The following TCF25 variants were observed in gnomAD, a reference collection of about 807,000 sequenced individuals.
The protein encoded by TCF25 is ribosome quality control complex subunit TCF25.
A neutral mutation model predicts 83.1 loss-of-function variants in TCF25; 41 were observed. That is an observed-to-expected ratio of 0.49 (90% CI 0.38 to 0.64). The LOEUF (loss-of-function observed/expected upper bound fraction) is 0.64. Among genes scored for constraint, TCF25 ranks in the 30% least tolerant of loss-of-function variants. TCF25 has a pLI of 0.00. For synonymous variants in TCF25, 458 were observed against 365.0 expected, an observed-to-expected ratio of 1.25 and a Z score of -2.90; for missense variants, 979 against 914.5, an observed-to-expected ratio of 1.07 and a Z score of -0.91.
At chr16:89,883,588 G>T (rs2042764774) in intron 2 of TCF25, 76 bp downstream of exon 2, 5 of 1,456,750 alleles carry the variant, frequency 3.4e-6, no homozygotes, top group Non-Finnish European at 4.6e-6. Context: ...ATCCTGTGCT[G>T]TGATTTTCCT....
chr16:89,875,152 A>C (rs994540754), intron 1 of TCF25, among the ~76,000 whole-genome samples: 2 of 152,228 alleles, frequency 1.3e-5, no homozygotes, highest in African/African-American at 4.8e-5. Context: ...GGCATGAGCC[A>C]CTGTGCTTGG....
intron 6 of TCF25, among the ~76,000 whole-genome samples, chr16:89,893,444 C>T (rs1046197629): frequency 6.6e-6 from 1 of 152,234 alleles, no homozygotes; most frequent in East Asian, 1.9e-4. Context: ...TTGTCCCTGA[C>T]ATTCCCTCCA....
In TCF25 at chr16:89,887,985, T is replaced by G. The variant is rs113843003; in HGVS notation, c.614+268T>G. Among the ~76,000 whole-genome samples the G allele has an allele frequency of 3.9e-5, 6 of 152,294 alleles. 1 individual carries two copies. Among genetic ancestry groups the G allele is most frequent in the African/African-American group, 1.4e-4 (6 of 41,572 alleles). On this transcript the variant is annotated intron_variant, in intron 5 of 17. Coordinates refer to ENST00000263346, the MANE Select transcript of TCF25 (RefSeq NM_014972.3). Reference sequence around the variant, plus strand: ...GTCCAGCATGAGGTTTCAAAAGCCATGCCGAGTGCAGTGCTCACGCCTGTA... The same window carrying G: ...GTCCAGCATGAGGTTTCAAAAGCCAGGCCGAGTGCAGTGCTCACGCCTGTA...
rs770702161 is a variant in TCF25 at position 89,898,749 on chromosome 16, C to G, written c.1116-18C>G. The G allele has an allele frequency of 1.9e-6, 3 of 1,613,686 alleles. No homozygotes were observed. Among genetic ancestry groups the G allele is most frequent in the Non-Finnish European group, 2.5e-6 (3 of 1,179,954 alleles). On this transcript the variant is annotated intron_variant, in intron 10 of 17. Coordinates refer to ENST00000263346, the MANE Select transcript of TCF25 (RefSeq NM_014972.3). ...CCCCTGTTCCCCTTTGCTCTGCTCTCTGTGCTGCCTCCGGAAGTCTCGAGC... is the reference window on the plus strand; with the variant it reads ...CCCCTGTTCCCCTTTGCTCTGCTCTGTGTGCTGCCTCCGGAAGTCTCGAGC...
chr16:89,895,393 A>G (rs2043770776), intron 8 of TCF25, among the ~76,000 whole-genome samples: 1 of 152,116 alleles, frequency 6.6e-6, no homozygotes, highest in Non-Finnish European at 1.5e-5. Flanking sequence ...TTTTTAGTAG[A>G]GATGGGGTTT....
At chr16:89,897,245 GTC>G (rs2043935178) in intron 9 of TCF25, among the ~76,000 whole-genome samples, 1 of 152,220 alleles carries the variant, frequency 6.6e-6, no homozygotes, top group Non-Finnish European at 1.5e-5. Flanking sequence ...GCATGTGGAG[GTC>G]TCTCTTCTTT....
intron 5 of TCF25, among the ~76,000 whole-genome samples, chr16:89,891,005 A>T (rs574746524): frequency 1.4e-4 from 21 of 152,046 alleles, no homozygotes; most frequent in Non-Finnish European, 2.6e-4. Flanking sequence ...TTCTCTCAGA[A>T]GCTCAGAATA....
Position 89,905,054 on chromosome 16 carries a change from C to T in TCF25, c.1586C>T (p.Ala529Val), listed in dbSNP as rs776863549. 6.2e-6 allele frequency: 10 copies of T among 1,603,340 alleles called. No individual in the cohort carries two copies. The highest frequency in any genetic ancestry group is 8.5e-6 in the Non-Finnish European group (10 of 1,175,682). Reference sequence around the variant, plus strand: ...GAGAACGTCCACGAGGTTCTGCAAGCAGTGGACGCCGGGGACCCAGCCGTG... The same window carrying T: ...GAGAACGTCCACGAGGTTCTGCAAGTAGTGGACGCCGGGGACCCAGCCGTG... ...LEENVHEVLQ[A>V]VDAGDPAVEA... Residue 529 changes from alanine (A) to valine (V), a missense_variant, in exon 14 of 18, where the codon GCA becomes GTA. By Grantham distance (64) the Ala-to-Val change is moderately conservative (BLOSUM62 0). Coordinates refer to ENST00000263346, the MANE Select transcript of TCF25 (RefSeq NM_014972.3).
In TCF25 at chr16:89,905,018, G is replaced by C; in HGVS notation, c.1550G>C (p.Ser517Thr). The change falls in exon 14 of 18, where the codon AGC (serine) becomes ACC (threonine). Residue 517 changes from serine (S) to threonine (T), a missense_variant. By Grantham distance (58) the Ser-to-Thr change is moderately conservative. Coordinates refer to ENST00000263346, the MANE Select transcript of TCF25 (RefSeq NM_014972.3). ...CTCTGGAAAGAGCCCGCCACCATGA[G>C]CTGGCTGGAGGAGAACGTCCACGAG... ...HFLWKEPATM[S>T]WLEENVHEVL... 1 of 1,603,724 alleles carries C rather than the reference G, an allele frequency of 6.2e-7. No individual in the cohort carries two copies. Among genetic ancestry groups the C allele is most frequent in the Non-Finnish European group, 8.5e-7 (1 of 1,175,586 alleles).
chr16:89,898,941 A>G, intron 11 of TCF25, 69 bp downstream of exon 11: 6 of 1,474,810 alleles, frequency 4.1e-6, no homozygotes, highest in South Asian at 3.5e-5. Flanking sequence ...TTCTTGGTTC[A>G]GTATCTGTGC....
At chr16:89,905,242 C>T (rs748900506) in intron 14 of TCF25, 146 bp downstream of exon 14, 214 of 1,192,952 alleles carry the variant, frequency 1.8e-4, no homozygotes, top group Non-Finnish European at 2.3e-4. Context: ...GCCTACAAGA[C>T]AGCGCACAGC....
chr16:89,881,318 T>C (rs1337471239), intron 1 of TCF25, among the ~76,000 whole-genome samples: 2 of 152,118 alleles, frequency 1.3e-5, no homozygotes, highest in Non-Finnish European at 2.9e-5. Flanking sequence ...TTTTCTGAGG[T>C]TTGTGGTTTT....
chr16:89,910,370 A>G, intron 16 of TCF25: 2 of 593,284 alleles, frequency 3.4e-6, no homozygotes, highest in Admixed American at 3.0e-5. Context: ...GGTCTCCCTC[A>G]TCCTGTTCCC....
At chr16:89,892,952 T>G (rs531948746) in intron 6 of TCF25, among the ~76,000 whole-genome samples, 7 of 152,292 alleles carry the variant, frequency 4.6e-5, no homozygotes, top group Admixed American at 2.0e-4. Context: ...CCTGTGTCTG[T>G]GGGGGTGCCG....
rs757657129 is a variant in TCF25, at chr16:89,893,726, A to G, written c.698-2A>G. 1 of 1,613,642 alleles carries G rather than the reference A, an allele frequency of 6.2e-7. No individual in the cohort carries two copies. The highest frequency in any genetic ancestry group is 8.5e-7 in the Non-Finnish European group (1 of 1,179,936). On this transcript the variant is annotated splice_acceptor_variant, in intron 6 of 17. Transcript: ENST00000263346. LOFTEE classifies it high-confidence loss of function. ...CCCTCCCTGAGCACTCTCCCCTCCC[A>G]GGTCTGTCCATGCGGCTGCTGGAAT...
chr16:89,908,384 CCCT>C (rs1231326918), intron 16 of TCF25, among the ~76,000 whole-genome samples: 2 of 148,880 alleles, frequency 1.3e-5, no homozygotes, highest in Non-Finnish European at 3.0e-5. Context: ...GCTCCCACCT[CCCT>C]CCTTCCAGTT....
At chr16:89,885,826 G>A (rs757387965) in intron 3 of TCF25, 22 bp from the exon 4 acceptor site, 16 of 1,562,286 alleles carry the variant, frequency 1.0e-5, no homozygotes, top group East Asian at 2.3e-5. Context: ...TGGTGATTAA[G>A]AGGTTGTTTT....
chr16:89,874,328 A>G (rs1597237894), intron 1 of TCF25, among the ~76,000 whole-genome samples: 1 of 51,278 alleles, frequency 2.0e-5, no homozygotes, highest in Non-Finnish European at 3.8e-5. Flanking sequence ...GGGGGTGGCG[A>G]GGCGATGGCG....
rs1426392068 is a variant in TCF25, at chr16:89,896,039, C to G, written c.978C>G (p.Leu326=). 1.2e-6 allele frequency: 2 copies of G among 1,613,912 alleles called. No homozygotes were observed. Among genetic ancestry groups the G allele is most frequent in the Non-Finnish European group, 1.7e-6 (2 of 1,180,008 alleles). ...MECAFHPLFS[L]TSGACRLDYR... ...GTGCGTTCCACCCCCTGTTCAGTCT[C>G]ACCAGTGGGGCCTGCCGGCTGGATT... Residue 326 remains leucine (L), a synonymous_variant, in exon 9 of 18, where the codon CTC becomes CTG. Transcript: ENST00000263346.
Sources: allele counts gnomAD v4.1 joint callset (sites outside exome capture counted in the v4.1 genomes callset), GRCh38; gene constraint gnomAD v4.1.1; transcripts MANE v1.5; gene names NCBI Gene and HGNC (gene_info 2026-07-23, HGNC 2026-07-21).